TTC28: variants seen among roughly 807,000 people sequenced by gnomAD.
The protein encoded by TTC28 is tetratricopeptide repeat protein 28.
TTC28 carries 61 observed loss-of-function variants against 198.0 expected under a neutral mutation model. The observed-to-expected ratio is 0.31, with a 90% confidence interval of 0.25 to 0.38. TTC28 has a LOEUF of 0.38. Among genes scored for constraint, TTC28 ranks in the 10% least tolerant of loss-of-function variants. TTC28 has a pLI of 1.00. For missense variants in TTC28, 2,678 were observed against 3,164.0 expected (o/e 0.85, Z 3.69); for synonymous variants, 1,171 against 1,297.8 (o/e 0.90, Z 2.10).
chr22:28,180,183 T>G (rs1339293788), intron 5 of TTC28, among the ~76,000 whole-genome samples: 1 of 152,212 alleles, frequency 6.6e-6, no homozygotes, highest in Non-Finnish European at 1.5e-5. Context: ...CTCTATTTAA[T>G]GAGTGTATTG....
intron 2 of TTC28, among the ~76,000 whole-genome samples, chr22:28,611,790 AGAATGATGGTTTCCAATTTCATCCATG>A (rs2050824576): frequency 6.6e-6 from 1 of 151,642 alleles, no homozygotes; most frequent in South Asian, 2.1e-4. Context: ...TAGTTTACTG[AGAATGATGGTTTCCAATTTCATCCATG>A]TCCCTACAAA....
chr22:28,363,732 G>A (rs2046196500), intron 2 of TTC28, among the ~76,000 whole-genome samples: 1 of 152,202 alleles, frequency 6.6e-6, no homozygotes, highest in Non-Finnish European at 1.5e-5. Flanking sequence ...AGTGTGACCT[G>A]GATGTGAGAC....
At chr22:28,582,401 A>T (rs1438638581) in intron 2 of TTC28, among the ~76,000 whole-genome samples, 3 of 152,228 alleles carry the variant, frequency 2.0e-5, no homozygotes, top group African/African-American at 7.2e-5. Flanking sequence ...ATTTCTTTCA[A>T]GGAAGACATG....
chr22:28,111,835 T>C (rs1013081969), intron 6 of TTC28, among the ~76,000 whole-genome samples: 2 of 152,154 alleles, frequency 1.3e-5, no homozygotes, highest in African/African-American at 4.8e-5. Context: ...TGAGAGGCAA[T>C]TGGAGGCAAC....
At chr22:28,056,890 T>C (rs1307527801) in intron 12 of TTC28, among the ~76,000 whole-genome samples, 1 of 152,196 alleles carries the variant, frequency 6.6e-6, no homozygotes, top group Non-Finnish European at 1.5e-5. Context: ...TGGAATCATA[T>C]GGTATATGCT....
chr22:28,563,761 A>G (rs1020578869), intron 2 of TTC28, among the ~76,000 whole-genome samples: 2 of 152,236 alleles, frequency 1.3e-5, no homozygotes, highest in South Asian at 4.1e-4. Context: ...AGTCAAACAT[A>G]GAATTACTAT....
intron 6 of TTC28, among the ~76,000 whole-genome samples, chr22:28,119,893 T>C (rs1171548014): frequency 6.6e-6 from 1 of 152,214 alleles, no homozygotes; most frequent in Non-Finnish European, 1.5e-5. Flanking sequence ...TATCCAATAA[T>C]TTAAGCAAAA....
At chr22:28,062,613 C>A (rs140932315) in intron 12 of TTC28, among the ~76,000 whole-genome samples, 2 of 151,886 alleles carry the variant, frequency 1.3e-5, no homozygotes, top group African/African-American at 4.8e-5. Flanking sequence ...AGAATGCAGA[C>A]GCAAGCCACT....
intron 6 of TTC28, among the ~76,000 whole-genome samples, chr22:28,121,929 AC>A (rs1403686461): frequency 6.6e-6 from 1 of 152,182 alleles, no homozygotes; most frequent in Non-Finnish European, 1.5e-5. Flanking sequence ...ATACAGTGGC[AC>A]GATCTTGGCT....
intron 2 of TTC28, among the ~76,000 whole-genome samples, chr22:28,385,090 G>A (rs1479491735): frequency 6.8e-6 from 1 of 147,980 alleles, no homozygotes. Flanking sequence ...GCAGTGAGCC[G>A]AGATTGCGCC....
rs1939032029 is a variant in TTC28 at position 28,030,481 on chromosome 22, T to C, written c.3933-115A>G. The C allele has an allele frequency of 4.2e-5, 55 of 1,316,878 alleles. No homozygotes were observed. In the South Asian group the frequency reaches 7.5e-4, roughly 18 times the overall value. 81.6% of individuals were successfully genotyped at this position (1,316,878 alleles called of 1,614,324 possible). A position where few individuals can be genotyped will look rare whatever the true frequency, so the allele number is the denominator to read the frequency against. ...CAAACGAACCTCTAGTACCGTTGTC[T>C]CCAGATGACAGCATCACCCCACTCC... On this transcript the variant is annotated intron_variant, in intron 12 of 22. Coordinates refer to ENST00000397906, the MANE Select transcript of TTC28 (RefSeq NM_001145418.2).
chr22:28,306,493 T>C lies in TTC28; in HGVS notation c.529+3A>G. 1 of 1,548,644 alleles carries C rather than the reference T, an allele frequency of 6.5e-7. No individual in the cohort carries two copies. The highest frequency in any genetic ancestry group is 8.7e-7 in the Non-Finnish European group (1 of 1,146,186). On this transcript the variant is annotated splice_donor_region_variant and intron_variant, in intron 3 of 22. Transcript: ENST00000397906. Reference sequence around the variant, plus strand: ...TTATACCAAGTACTTTTATCATATTTACCTCTCATGGGAGATTTCATGGCG... The same window carrying C: ...TTATACCAAGTACTTTTATCATATTCACCTCTCATGGGAGATTTCATGGCG...
rs190024371 is a variant in TTC28, at chr22:28,479,103, C to T, written c.381+150449G>A. ...AAAAAAAAAATCAAGCCACAGCTGA[C>T]CGGACCAAGTTTCAAATGCACAAGT... On this transcript the variant is annotated intron_variant, in intron 2 of 22. Coordinates refer to ENST00000397906, the MANE Select transcript of TTC28 (RefSeq NM_001145418.2). Among the ~76,000 whole-genome samples, 957 of 152,224 alleles carry T rather than the reference C, an allele frequency of 6.3e-3. 10 individuals carry two copies. The highest frequency in any genetic ancestry group is 8.5e-3 in the Non-Finnish European group (577 of 68,010).
intron 2 of TTC28, among the ~76,000 whole-genome samples, chr22:28,529,449 C>T (rs1237840749): frequency 6.6e-6 from 1 of 152,200 alleles, no homozygotes; most frequent in Non-Finnish European, 1.5e-5. Context: ...TCAAAGAGGC[C>T]TGCTTGCCTC....
intron 2 of TTC28, among the ~76,000 whole-genome samples, chr22:28,495,414 T>G (rs2048441302): frequency 6.6e-6 from 1 of 152,206 alleles, no homozygotes. Context: ...TGGCTGAATC[T>G]GTTCCTCCAA....
At chr22:28,593,915 A>G (rs1241515972) in intron 2 of TTC28, among the ~76,000 whole-genome samples, 1 of 152,132 alleles carries the variant, frequency 6.6e-6, no homozygotes, top group African/African-American at 2.4e-5. Flanking sequence ...CTTTTCAGGA[A>G]TGAGGTATTT....
intron 5 of TTC28, among the ~76,000 whole-genome samples, chr22:28,211,383 G>A (rs1296287855): frequency 3.3e-5 from 5 of 152,064 alleles, no homozygotes; most frequent in African/African-American, 1.2e-4. Flanking sequence ...GTATTCAGGA[G>A]ACCCATCTCA....
chr22:28,502,790 G>A (rs2048555332), intron 2 of TTC28, among the ~76,000 whole-genome samples: 1 of 152,132 alleles, frequency 6.6e-6, no homozygotes, highest in African/African-American at 2.4e-5. Flanking sequence ...AAAAGTGAGA[G>A]GAAAGGCCTT....
Position 28,416,889 on chromosome 22 carries a change from T to G in TTC28, c.382-110246A>C, listed in dbSNP as rs1450291235. ...AATCAACGAATATTCACTGAGTACT[T>G]CATCTCTATATAAAGAACATATTCA... On this transcript the variant is annotated intron_variant, in intron 2 of 22. Transcript: ENST00000397906. 3.9e-5 allele frequency among the ~76,000 whole-genome samples: 6 copies of G among 152,188 alleles called. No homozygotes were observed. The South Asian group carries it at 1.2e-3, about 31-fold the overall frequency.
Sources: allele counts gnomAD v4.1 joint callset (sites outside exome capture counted in the v4.1 genomes callset), GRCh38; gene constraint gnomAD v4.1.1; transcripts MANE v1.5; gene names NCBI Gene and HGNC (gene_info 2026-07-23, HGNC 2026-07-21).